Variants in ECT2L observed in about 807,000 individuals in gnomAD.
ECT2L encodes epithelial cell-transforming sequence 2 oncogene-like.
A neutral mutation model predicts 122.8 loss-of-function variants in ECT2L; 126 were observed. The ratio of observed to expected loss-of-function variants is 1.03; its 90% confidence interval spans 0.89 to 1.19. The LOEUF is 1.19. Among genes scored for constraint, ECT2L ranks in the 50% most tolerant of loss-of-function variants. The probability of loss-of-function intolerance (pLI) is 0.00; values close to 1 mark genes in which losing one functional copy is unlikely to be tolerated. For missense variants in ECT2L, 1,012 were observed against 1,064.1 expected, an observed-to-expected ratio of 0.95 and a Z score of 0.68; for synonymous variants, 385 against 381.8, an observed-to-expected ratio of 1.01 and a Z score of -0.10.
At chr6:138,898,943 T>C (rs143914233) in intron 20 of ECT2L, among the ~76,000 whole-genome samples, 3 of 152,134 alleles carry the variant, frequency 2.0e-5, no homozygotes, top group African/African-American at 7.2e-5. Context: ...CAATATTTAA[T>C]AAAATAGAAC....
intron 1 of ECT2L, among the ~76,000 whole-genome samples, chr6:138,805,659 G>T (rs1775688934): frequency 6.6e-6 from 1 of 152,084 alleles, no homozygotes; most frequent in Non-Finnish European, 1.5e-5. Context: ...TTTGACGGGG[G>T]TGGCTGAAAC....
At chr6:138,850,982 G>T (rs142613412) in intron 9 of ECT2L, among the ~76,000 whole-genome samples, 1 of 72,210 alleles carries the variant, frequency 1.4e-5, no homozygotes, top group African/African-American at 5.2e-5. Context: ...CAATAAGAGC[G>T]AAACTCCATC....
intron 19 of ECT2L, among the ~76,000 whole-genome samples, chr6:138,887,383 C>A (rs1582660955): frequency 6.6e-6 from 1 of 152,040 alleles, no homozygotes; most frequent in Non-Finnish European, 1.5e-5. Context: ...TCCACCACCA[C>A]GCCCAGCTAA....
At chr6:138,900,891 A>G (rs1408787478) in intron 20 of ECT2L, 57 bp from the exon 21 acceptor site, 2 of 1,543,782 alleles carry the variant, frequency 1.3e-6, no homozygotes. Context: ...ATGCTTAACT[A>G]TGTAACAAAG....
chr6:138,824,581 C>CAAA (rs1491037699), intron 4 of ECT2L, among the ~76,000 whole-genome samples: 92 of 116,804 alleles, frequency 7.9e-4, no homozygotes, highest in African/African-American at 1.0e-3. Flanking sequence ...AAAACAAAAA[C>CAAA]AAAAAAAACA....
At chr6:138,842,860 C>A in intron 5 of ECT2L, 119 bp from the exon 6 acceptor site, 1 of 940,494 alleles carries the variant, frequency 1.1e-6, no homozygotes, top group Non-Finnish European at 1.5e-6. Flanking sequence ...TACAAATTCT[C>A]AGAGATTTTT....
intron 11 of ECT2L, among the ~76,000 whole-genome samples, chr6:138,863,763 G>A (rs186322411): frequency 6.6e-6 from 1 of 151,698 alleles, no homozygotes; most frequent in Non-Finnish European, 1.5e-5. Flanking sequence ...CTACAGGCAT[G>A]TGCCACCACG....
intron 11 of ECT2L, among the ~76,000 whole-genome samples, chr6:138,864,249 G>A (rs977118460): frequency 1.3e-5 from 2 of 152,056 alleles, no homozygotes; most frequent in Non-Finnish European, 2.9e-5. Flanking sequence ...CTGAACCCGG[G>A]AGGCGAAGGT....
At chr6:138,809,632 T>C (rs1221811137) in intron 1 of ECT2L, among the ~76,000 whole-genome samples, 1 of 152,222 alleles carries the variant, frequency 6.6e-6, no homozygotes, top group African/African-American at 2.4e-5. Context: ...TTTGGTGTTC[T>C]CATATTTGGT....
intron 14 of ECT2L, 120 bp from the exon 15 acceptor site, chr6:138,880,837 G>A (rs535228739): frequency 8.9e-6 from 7 of 782,932 alleles, no homozygotes; most frequent in East Asian, 2.7e-5. Context: ...CGTAGCCCCC[G>A]TGAAGTCCCC....
intron 20 of ECT2L, among the ~76,000 whole-genome samples, chr6:138,893,957 T>C (rs1337653943): frequency 6.6e-6 from 1 of 152,240 alleles, no homozygotes; most frequent in African/African-American, 2.4e-5. Context: ...GGGTGATAAC[T>C]TCAATTCTAT....
intron 20 of ECT2L, among the ~76,000 whole-genome samples, chr6:138,897,148 T>C (rs934031156): frequency 6.6e-6 from 1 of 152,142 alleles, no homozygotes; most frequent in Non-Finnish European, 1.5e-5. Flanking sequence ...AGAAACTCTA[T>C]TCAAGTTCAG....
At chr6:138,820,423 G>A (rs909695032) in intron 4 of ECT2L, among the ~76,000 whole-genome samples, 10 of 152,186 alleles carry the variant, frequency 6.6e-5, no homozygotes, top group Admixed American at 2.0e-4. Context: ...GGACAAGCCC[G>A]AGGACCAAAG....
chr6:138,882,682 C>T (rs1266827131), intron 15 of ECT2L, 42 bp from the exon 16 acceptor site: 3 of 1,604,692 alleles, frequency 1.9e-6, no homozygotes, highest in Non-Finnish European at 2.6e-6. Context: ...TGTAAGTTAT[C>T]ACAAGTGAAT....
intron 9 of ECT2L, among the ~76,000 whole-genome samples, chr6:138,849,878 G>GT (rs1184544137): frequency 3.3e-5 from 5 of 151,940 alleles, no homozygotes; most frequent in East Asian, 1.9e-4. Context: ...TTTGATGACC[G>GT]TTTTTTCAAA....
Position 138,844,432 on chromosome 6 carries a change from C to G in ECT2L, c.616C>G (p.Pro206Ala). 6.2e-7 allele frequency: 1 copy of G among 1,613,886 alleles called. No individual in the cohort carries two copies. The highest frequency in any genetic ancestry group is 8.5e-7 in the Non-Finnish European group (1 of 1,179,864). The change falls in exon 7 of 22, where the codon CCC becomes GCC. Residue 206 changes from proline to alanine, a missense_variant. By Grantham distance (27) the Pro-to-Ala change is conservative (BLOSUM62 -1). Coordinates refer to ENST00000541398, the MANE Select transcript of ECT2L (RefSeq NM_001077706.3). ...LRKKELFKVR[P>A]PWVSGTCCSS... ...TTCAGAGGAGTTATTCAAAGTTCGA[C>G]CCCCTTGGGTGAGTGGAACTTGCTG...
chr6:138,827,323 G>A (rs1776484840), intron 4 of ECT2L, among the ~76,000 whole-genome samples: 1 of 151,868 alleles, frequency 6.6e-6, no homozygotes, highest in Non-Finnish European at 1.5e-5. Context: ...ACTCCAACCT[G>A]GGCAACAGGG....
chr6:138,833,482 T>A (rs1448713990), intron 4 of ECT2L, among the ~76,000 whole-genome samples: 6 of 152,172 alleles, frequency 3.9e-5, no homozygotes, highest in African/African-American at 1.4e-4. Flanking sequence ...TACCAACTTG[T>A]CTTCCTTTTC....
At chr6:138,797,577 C>T (rs2128365973) in intron 1 of ECT2L, among the ~76,000 whole-genome samples, 1 of 152,110 alleles carries the variant, frequency 6.6e-6, no homozygotes, top group Middle Eastern at 3.4e-3. Context: ...GAGGATTTAG[C>T]TCTCTATATG....
Sources: allele counts gnomAD v4.1 joint callset (sites outside exome capture counted in the v4.1 genomes callset), GRCh38; gene constraint gnomAD v4.1.1; transcripts MANE v1.5; gene names NCBI Gene and HGNC (gene_info 2026-07-23, HGNC 2026-07-21).